The following AK3 variants were observed in gnomAD, a reference collection of about 807,000 sequenced individuals.
The protein encoded by AK3 is GTP:AMP phosphotransferase AK3, mitochondrial.
Under a neutral mutation model 23.7 loss-of-function variants are expected in AK3, and 27 were observed. The ratio of observed to expected loss-of-function variants is 1.14; its 90% confidence interval spans 0.84 to 1.57. AK3 has a LOEUF of 1.57. Ranked by LOEUF, AK3 falls within the 40% of genes most tolerant of loss-of-function variation. AK3 has a pLI of 0.00. For synonymous variants in AK3, 159 were observed against 116.0 expected (o/e 1.37, Z -2.38); for missense variants, 406 against 285.6 (o/e 1.42, Z -3.04).
chr9:4,714,401 A>G (rs1250284161), intron 4 of AK3, among the ~76,000 whole-genome samples: 1 of 152,170 alleles, frequency 6.6e-6, no homozygotes. Context: ...GCCACAGTTA[A>G]CTTAAATAAC....
chr9:4,725,849 T>C lies in AK3; in HGVS notation c.152-3224A>G, dbSNP rs114436003. Reference sequence around the variant, plus strand: ...GTCCTTAATCATTAGGGAAGTCAAATGAAAACCACAAGGAGATACTACTTC... The same window carrying C: ...GTCCTTAATCATTAGGGAAGTCAAACGAAAACCACAAGGAGATACTACTTC... On this transcript the variant is annotated intron_variant, in intron 1 of 4. Transcript: ENST00000381809. 5.8e-3 allele frequency among the ~76,000 whole-genome samples: 885 copies of C among 152,254 alleles called. 11 individuals carry two copies. The highest frequency in any genetic ancestry group is 0.02 in the African/African-American group (843 of 41,558).
chr9:4,712,066 T>C lies in AK3; in HGVS notation c.*910A>G, dbSNP rs1413695539. 1 of 152,212 alleles carries C rather than the reference T, an allele frequency of 6.6e-6. No homozygotes were observed. Among genetic ancestry groups the C allele is most frequent in the East Asian group, 1.9e-4 (1 of 5,198 alleles). 9.4% of individuals were successfully genotyped at this position (152,212 alleles called of 1,614,324 possible). On this transcript the variant is annotated 3_prime_UTR_variant, in exon 5 of 5. Coordinates refer to ENST00000381809, the MANE Select transcript of AK3 (RefSeq NM_016282.4). ...CGGGTTTCTCTTTTTTCTTCTCTTT[T>C]TTATTGGCGGGGGAGATGGTACTAT...
intron 1 of AK3, among the ~76,000 whole-genome samples, chr9:4,729,225 G>A (rs1842098250): frequency 1.3e-5 from 2 of 151,866 alleles, no homozygotes; most frequent in South Asian, 4.2e-4. Flanking sequence ...GGTCAGGCTG[G>A]TGCTGAACTC....
At chr9:4,738,078 G>C (rs1842338233) in intron 1 of AK3, among the ~76,000 whole-genome samples, 2 of 152,202 alleles carry the variant, frequency 1.3e-5, no homozygotes, top group African/African-American at 4.8e-5. Context: ...TGCAGGGATA[G>C]TCATAACAGT....
At chr9:4,735,034 A>G (rs1458523461) in intron 1 of AK3, among the ~76,000 whole-genome samples, 1 of 151,606 alleles carries the variant, frequency 6.6e-6, no homozygotes, top group Non-Finnish European at 1.5e-5. Flanking sequence ...GACGGCTAAT[A>G]GGTATGAAGT....
At chr9:4,738,287 T>A (rs1183626527) in intron 1 of AK3, among the ~76,000 whole-genome samples, 1 of 152,140 alleles carries the variant, frequency 6.6e-6, no homozygotes, top group East Asian at 1.9e-4. Flanking sequence ...TGCCTCAGCC[T>A]CCCAAGTAGC....
chr9:4,727,539 G>T (rs927856668), intron 1 of AK3, among the ~76,000 whole-genome samples: 1 of 152,208 alleles, frequency 6.6e-6, no homozygotes, highest in African/African-American at 2.4e-5. Flanking sequence ...CTGAAATGAA[G>T]AGAATTAGGG....
intron 1 of AK3, among the ~76,000 whole-genome samples, chr9:4,736,600 G>T (rs1016918198): frequency 2.6e-5 from 4 of 151,856 alleles, no homozygotes; most frequent in Admixed American, 2.6e-4. Context: ...AAGTCTTGAA[G>T]ATTATCTACT....
rs1178374118 is a variant in AK3, at chr9:4,718,406, A to C, written c.563+13T>G. 2 of 1,601,960 alleles carry C rather than the reference A, an allele frequency of 1.2e-6. No individual in the cohort carries two copies. The highest frequency in any genetic ancestry group is 1.7e-6 in the Non-Finnish European group (2 of 1,170,840). On this transcript the variant is annotated intron_variant, in intron 4 of 4. Coordinates refer to ENST00000381809, the MANE Select transcript of AK3 (RefSeq NM_016282.4). ...CCACTACGCAAGAGAAGTTCTGAAA[A>C]GCAAAAACTCACTGGTAATATTCCA...
chr9:4,719,059 C>G lies in AK3; in HGVS notation c.444+76G>C. On this transcript the variant is annotated intron_variant, in intron 3 of 4. Transcript: ENST00000381809. Reference sequence around the variant, plus strand: ...GTTTTGGTCAGAGGATTTCCAAGTTCACTCAACTTATGTCTGTTAGGGCAA... The same window carrying G: ...GTTTTGGTCAGAGGATTTCCAAGTTGACTCAACTTATGTCTGTTAGGGCAA... 5 of 1,534,960 alleles carry G rather than the reference C, an allele frequency of 3.3e-6. No individual in the cohort carries two copies. The Admixed American group carries it at 8.7e-5, about 27-fold the overall frequency.
intron 1 of AK3, among the ~76,000 whole-genome samples, chr9:4,734,068 A>G (rs955926029): frequency 1.3e-5 from 2 of 152,150 alleles, no homozygotes; most frequent in East Asian, 1.9e-4. Flanking sequence ...CAGGGTGACT[A>G]TATTTGGAAA....
rs144768148 is a variant in AK3, at chr9:4,718,504, G to A, written c.478C>T (p.Gln160Ter). ...GTCTCTGGTTTATCATCCTCACGCT[G>A]AATGAGAGGCTCCCCAGTCAGGTCA... The part of the protein sequence containing the change: ...IDDLTGEPLI[Q>*]REDDKPETVI... Residue 160 changes from glutamine to a stop codon, truncating the protein, a stop_gained, in exon 4 of 5, where the codon CAG becomes TAG. Coordinates refer to ENST00000381809, the MANE Select transcript of AK3 (RefSeq NM_016282.4). LOFTEE classifies it high-confidence loss of function. The A allele has an allele frequency of 1.5e-5, 25 of 1,613,774 alleles. No individual in the cohort carries two copies. In the African/African-American group the frequency reaches 3.2e-4, roughly 21 times the overall value.
At chr9:4,722,746 T>C in intron 1 of AK3, 121 bp from the exon 2 acceptor site, 1 of 1,418,938 alleles carries the variant, frequency 7.0e-7, no homozygotes, top group South Asian at 1.3e-5. Flanking sequence ...ATGTGCATCA[T>C]CAACTTTTCT....
chr9:4,731,574 T>TAAAA (rs33935556), intron 1 of AK3, among the ~76,000 whole-genome samples: 2 of 146,644 alleles, frequency 1.4e-5, no homozygotes, highest in Non-Finnish European at 3.0e-5. Context: ...GAAGCTTACT[T>TAAAA]AAAAAAAAAA....
rs976694341 is a variant in AK3, at chr9:4,710,720, T to C, written c.*2256A>G. The C allele has an allele frequency of 2.0e-5, 3 of 151,888 alleles. No individual in the cohort carries two copies. The highest frequency in any genetic ancestry group is 7.3e-5 in the African/African-American group (3 of 41,330). The allele number at this position is 151,888 out of a possible 1,614,324, so 9.4% of individuals were successfully genotyped here. A position where few individuals can be genotyped will look rare whatever the true frequency, so the allele number is the denominator to read the frequency against. On this transcript the variant is annotated 3_prime_UTR_variant, in exon 5 of 5. Transcript: ENST00000381809. ...ACTGTTTGAGGCCAGGAGACTAGCCTGGGCAACATATCGAGACGCCGTCTC... is the reference window on the plus strand; with the variant it reads ...ACTGTTTGAGGCCAGGAGACTAGCCCGGGCAACATATCGAGACGCCGTCTC...
rs1308214170 is a variant in AK3, at chr9:4,712,703, T to G, written c.*273A>C. The G allele has an allele frequency of 1.3e-5, 3 of 223,488 alleles. No homozygotes were observed. The highest frequency in any genetic ancestry group is 2.6e-5 in the Non-Finnish European group (3 of 115,864). 13.8% of individuals were successfully genotyped at this position (223,488 alleles called of 1,614,324 possible). On this transcript the variant is annotated 3_prime_UTR_variant, in exon 5 of 5. Transcript: ENST00000381809. ...AGTTAGATTACTACCAAATGCTCTT[T>G]TAATTTTGCTCTAACAGATGTTTTA...
intron 2 of AK3, among the ~76,000 whole-genome samples, chr9:4,719,813 C>T (rs1841844463): frequency 6.6e-6 from 1 of 152,158 alleles, no homozygotes; most frequent in East Asian, 1.9e-4. Context: ...CACCTGTAAT[C>T]CCAGCATTTT....
Position 4,710,736 on chromosome 9 carries a change from A to T in AK3, c.*2240T>A, listed in dbSNP as rs1172456673. 1 of 148,904 alleles carries T rather than the reference A, an allele frequency of 6.7e-6. No homozygotes were observed. The highest frequency in any genetic ancestry group is 2.4e-5 in the African/African-American group (1 of 40,832). 9.2% of individuals were successfully genotyped at this position (148,904 alleles called of 1,614,324 possible). ...AGACTAGCCTGGGCAACATATCGAG[A>T]CGCCGTCTCTACAAAAAAATAAAAT... On this transcript the variant is annotated 3_prime_UTR_variant, in exon 5 of 5. Coordinates refer to ENST00000381809, the MANE Select transcript of AK3 (RefSeq NM_016282.4).
chr9:4,732,867 TC>T (rs2130906113), intron 1 of AK3, among the ~76,000 whole-genome samples: 1 of 113,458 alleles, frequency 8.8e-6, no homozygotes, highest in African/African-American at 2.8e-5. Flanking sequence ...TCTCTCTCTC[TC>T]TCTTTTTTTT....
Sources: gnomAD v4.1 joint callset for allele counts (sites outside exome capture counted in the v4.1 genomes callset) on GRCh38, gnomAD v4.1.1 for gene constraint, MANE v1.5 for transcripts, NCBI Gene and HGNC (gene_info 2026-07-23, HGNC 2026-07-21) for gene names.